Variants in INPP5B observed in about 807,000 individuals in gnomAD.
INPP5B encodes the protein inositol polyphosphate-5-phosphatase B.
A neutral mutation model predicts 118.5 loss-of-function variants in INPP5B; 90 were observed. That is an observed-to-expected ratio of 0.76 (90% CI 0.64 to 0.90). INPP5B has a LOEUF of 0.90. INPP5B is among the 40% of genes least tolerant of loss of function. The probability of loss-of-function intolerance (pLI) is 0.00; values close to 1 mark genes in which losing one functional copy is unlikely to be tolerated. For synonymous variants in INPP5B, 385 were observed against 418.9 expected, an observed-to-expected ratio of 0.92 and a Z score of 0.99; for missense variants, 984 against 1,125.6, an observed-to-expected ratio of 0.87 and a Z score of 1.80.
intron 21 of INPP5B, 22 bp downstream of exon 21, chr1:37,866,433 CACAG>C (rs1642051315): frequency 2.5e-6 from 3 of 1,213,902 alleles, no homozygotes; most frequent in East Asian, 2.3e-5. Flanking sequence ...CACACACACA[CACAG>C]AGCTGAATGT....
intron 3 of INPP5B, among the ~76,000 whole-genome samples, chr1:37,945,218 G>T (rs1646072774): frequency 2.0e-5 from 3 of 152,150 alleles, no homozygotes; most frequent in Admixed American, 2.0e-4. Context: ...ATAACTTGAG[G>T]TCAGGACTTC....
intron 6 of INPP5B, among the ~76,000 whole-genome samples, chr1:37,937,117 C>T (rs1645727689): frequency 6.6e-6 from 1 of 151,576 alleles, no homozygotes; most frequent in East Asian, 2.0e-4. Context: ...TCGAGACCAG[C>T]CTGAACAACA....
chr1:37,888,217 G>C (rs754339897), intron 10 of INPP5B, 26 bp downstream of exon 10: 3 of 1,370,502 alleles, frequency 2.2e-6, no homozygotes, highest in African/African-American at 3.0e-5. Context: ...TGAAGATGGA[G>C]AGGGGACTAG....
intron 6 of INPP5B, among the ~76,000 whole-genome samples, chr1:37,940,373 C>A (rs763315027): frequency 1.2e-4 from 18 of 152,138 alleles, no homozygotes; most frequent in Admixed American, 2.6e-4. Flanking sequence ...GGAAGTTGGG[C>A]CGCTTGAAGC....
chr1:37,883,217 C>T, intron 13 of INPP5B: 1 of 985,404 alleles, frequency 1.0e-6, no homozygotes, highest in Non-Finnish European at 1.2e-6. Flanking sequence ...TTACCCCATT[C>T]CTGGGAAGAG....
At chr1:37,922,846 A>G (rs1486969421) in intron 7 of INPP5B, among the ~76,000 whole-genome samples, 1 of 152,262 alleles carries the variant, frequency 6.6e-6, no homozygotes, top group Non-Finnish European at 1.5e-5. Context: ...AAATATGACC[A>G]GTTTAGCTTT....
intron 6 of INPP5B, among the ~76,000 whole-genome samples, chr1:37,940,309 C>T (rs925792566): frequency 6.6e-6 from 1 of 152,178 alleles, no homozygotes; most frequent in African/African-American, 2.4e-5. Context: ...GGCAGGAGAG[C>T]CAATATGACA....
Position 37,861,579 on chromosome 1 carries a change from A to C in INPP5B, c.*736T>G, listed in dbSNP as rs1227556907. ...TGTCTATACTAAAAACACACAAAAA[A>C]ATTAGCCAGGCATGGTGGCGGACGC... is the stretch of plus-strand genomic sequence containing the variant. On this transcript the variant is annotated 3_prime_UTR_variant, in exon 24 of 24. Transcript: ENST00000373024. 6.6e-6 allele frequency: 1 copy of C among 152,084 alleles called. No individual in the cohort carries two copies. The highest frequency in any genetic ancestry group is 2.4e-5 in the African/African-American group (1 of 41,386). The allele number at this position is 152,084 out of a possible 1,614,324, so 9.4% of individuals were successfully genotyped here.
intron 7 of INPP5B, among the ~76,000 whole-genome samples, chr1:37,927,495 G>T (rs1463970640): frequency 2.0e-5 from 3 of 151,854 alleles, no homozygotes; most frequent in African/African-American, 7.3e-5. Context: ...TGAAGACGTG[G>T]ATTCCAGTCT....
chr1:37,888,916 AG>A (rs1044453284), intron 9 of INPP5B, among the ~76,000 whole-genome samples: 34 of 152,342 alleles, frequency 2.2e-4, no homozygotes, highest in African/African-American at 8.2e-4. Flanking sequence ...CTTTCTTCAA[AG>A]GCCCAGAATG....
intron 6 of INPP5B, among the ~76,000 whole-genome samples, chr1:37,937,223 G>A (rs1318548611): frequency 6.6e-6 from 1 of 151,570 alleles, no homozygotes; most frequent in Non-Finnish European, 1.5e-5. Flanking sequence ...AAGTAGAACA[G>A]TCACTTGAAT....
At chr1:37,911,398 T>C (rs1360889871) in intron 7 of INPP5B, among the ~76,000 whole-genome samples, 2 of 152,178 alleles carry the variant, frequency 1.3e-5, no homozygotes, top group African/African-American at 4.8e-5. Context: ...TGACTGTATC[T>C]CTCTGATCCA....
rs575288261 is a variant in INPP5B, at chr1:37,890,243, C to T, written c.630-519G>A. The stretch of plus-strand genomic sequence containing the variant: ...TACAAAAATGAGCTGGGTGTGGTGG[C>T]ACATGCCTATAATCCCAGCTCCTCG... On this transcript the variant is annotated intron_variant, in intron 8 of 23. Coordinates refer to ENST00000373024, the MANE Select transcript of INPP5B (RefSeq NM_005540.3). 1.1e-4 allele frequency among the ~76,000 whole-genome samples: 16 copies of T among 152,022 alleles called. No individual in the cohort carries two copies. The South Asian group carries it at 3.1e-3, about 30-fold the overall frequency.
At chr1:37,886,124 C>A (rs1053440466) in intron 12 of INPP5B, among the ~76,000 whole-genome samples, 1 of 151,930 alleles carries the variant, frequency 6.6e-6, no homozygotes, top group Non-Finnish European at 1.5e-5. Context: ...TTGCAGTGAG[C>A]TGAGATCACG....
intron 7 of INPP5B, among the ~76,000 whole-genome samples, chr1:37,912,159 T>G (rs1644722338): frequency 2.0e-5 from 3 of 152,168 alleles, no homozygotes; most frequent in Admixed American, 2.0e-4. Flanking sequence ...GAAGACACCC[T>G]AGCTGGATGA....
chr1:37,945,963 T>A, intron 2 of INPP5B, 113 bp from the exon 3 acceptor site: 1 of 947,568 alleles, frequency 1.1e-6, no homozygotes, highest in Non-Finnish European at 1.6e-6. Context: ...TGGCCTTGGG[T>A]GAGCACTCAA....
intron 16 of INPP5B, among the ~76,000 whole-genome samples, chr1:37,876,984 G>A (rs148645407): frequency 2.0e-5 from 3 of 152,022 alleles, no homozygotes; most frequent in African/African-American, 7.2e-5. Context: ...AAGCCCAGCA[G>A]ATTGAGGCCG....
rs1422353141 is a variant in INPP5B at position 37,889,685 on chromosome 1, G to A, written c.669C>T (p.Arg223=). The stretch of plus-strand genomic sequence containing the variant: ...TGTCCGACACTGTGATAGTGGAGGA[G>A]CGAACCATGTCAGTAATTTCGGACT... ...KSKSEITDMV[R]SSTITVSDKA... is the part of the protein sequence containing the mutation. Residue 223 remains arginine (R), a synonymous_variant, in exon 9 of 24, where the codon CGC becomes CGT. Transcript: ENST00000373024. 6.2e-7 allele frequency: 1 copy of A among 1,613,334 alleles called. No homozygotes were observed. The highest frequency in any genetic ancestry group is 2.2e-5 in the East Asian group (1 of 44,880).
chr1:37,867,900 G>C (rs968443415), intron 20 of INPP5B, among the ~76,000 whole-genome samples: 5 of 152,116 alleles, frequency 3.3e-5, no homozygotes, highest in African/African-American at 9.7e-5. Flanking sequence ...CTGAAGGAGA[G>C]CGATGACATC....
Sources: gnomAD v4.1 joint callset for allele counts (sites outside exome capture counted in the v4.1 genomes callset) on GRCh38, gnomAD v4.1.1 for gene constraint, MANE v1.5 for transcripts, NCBI Gene and HGNC (gene_info 2026-07-23, HGNC 2026-07-21) for gene names.